Variants in TAGLN3 observed in about 807,000 individuals in gnomAD.
TAGLN3 encodes transgelin 3.
Under a neutral mutation model 25.4 loss-of-function variants are expected in TAGLN3, and 12 were observed. The observed-to-expected ratio is 0.47, with a 90% confidence interval of 0.30 to 0.77. The LOEUF (loss-of-function observed/expected upper bound fraction) is 0.77, where lower values mean the gene tolerates loss of function less well. Ranked by LOEUF, TAGLN3 falls within the 30% of genes least tolerant of loss-of-function variation. TAGLN3 has a pLI of 0.06. For missense variants in TAGLN3, 218 were observed against 255.8 expected (o/e 0.85, Z 1.01); for synonymous variants, 96 against 94.8 (o/e 1.01, Z -0.08).
intron 3 of TAGLN3, among the ~76,000 whole-genome samples, chr3:112,005,596 A>T (rs1039743720): frequency 2.0e-5 from 3 of 151,866 alleles, no homozygotes; most frequent in African/African-American, 7.3e-5. Context: ...GTGAAGAGGT[A>T]TTTCACACAG....
At chr3:112,000,452 T>A (rs1392952445) in intron 2 of TAGLN3, 1 of 223,916 alleles carries the variant, frequency 4.5e-6, no homozygotes, top group African/African-American at 2.3e-5. Flanking sequence ...CACGTCCTCA[T>A]CACGTCACAT....
intron 3 of TAGLN3, among the ~76,000 whole-genome samples, chr3:112,003,259 G>A (rs1299048968): frequency 1.3e-5 from 2 of 152,150 alleles, no homozygotes; most frequent in African/African-American, 4.8e-5. Context: ...ATAAGTTGGA[G>A]GGGATATCTG....
chr3:112,003,794 A>T (rs1322905735), intron 3 of TAGLN3, among the ~76,000 whole-genome samples: 1 of 151,914 alleles, frequency 6.6e-6, no homozygotes, highest in Non-Finnish European at 1.5e-5. Context: ...TCCCCTACTC[A>T]GTGTCTTCTC....
chr3:112,003,253 G>A (rs983129574), intron 3 of TAGLN3, among the ~76,000 whole-genome samples: 3 of 152,158 alleles, frequency 2.0e-5, no homozygotes, highest in Admixed American at 6.5e-5. Flanking sequence ...TTCATTATAA[G>A]TTGGAGGGGA....
intron 1 of TAGLN3, 85 bp downstream of exon 1, chr3:111,999,199 A>C: frequency 2.0e-6 from 1 of 500,696 alleles, no homozygotes; most frequent in Non-Finnish European, 3.6e-6. Context: ...CCGGAGGTTT[A>C]TTCTAGAGTT....
chr3:112,012,889 G>A (rs945302144), intron 4 of TAGLN3, among the ~76,000 whole-genome samples: 6 of 152,184 alleles, frequency 3.9e-5, no homozygotes, highest in Non-Finnish European at 5.9e-5. Context: ...TACAGGGAAA[G>A]GGGGAATGGG....
Position 112,013,701 on chromosome 3 carries a change from C to G in TAGLN3, c.*150C>G, listed in dbSNP as rs1190685165. The G allele has an allele frequency of 1.0e-5, 12 of 1,205,552 alleles. No individual in the cohort carries two copies. The highest frequency in any genetic ancestry group is 1.1e-5 in the Non-Finnish European group (9 of 835,084). The allele number at this position is 1,205,552 out of a possible 1,614,324, so 74.7% of individuals were successfully genotyped here. On this transcript the variant is annotated 3_prime_UTR_variant, in exon 5 of 5. Coordinates refer to ENST00000478951, the MANE Select transcript of TAGLN3 (RefSeq NM_001008272.2). Reference sequence around the variant, plus strand: ...CAAGTGCTGCATTTCCGCCGAGAATCCGCGTTGCCTACTGCTGCCACCTCC... The same window carrying G: ...CAAGTGCTGCATTTCCGCCGAGAATGCGCGTTGCCTACTGCTGCCACCTCC...
At chr3:112,011,480 GA>G (rs2072976677) in intron 3 of TAGLN3, among the ~76,000 whole-genome samples, 6 of 152,216 alleles carry the variant, frequency 3.9e-5, no homozygotes, top group African/African-American at 1.4e-4. Flanking sequence ...GATGCACATG[GA>G]TGATTTTATT....
At chr3:112,012,196 G>C (rs2072983243) in intron 4 of TAGLN3, among the ~76,000 whole-genome samples, 1 of 149,964 alleles carries the variant, frequency 6.7e-6, no homozygotes, top group African/African-American at 2.5e-5. Flanking sequence ...AGCCAGCTCT[G>C]AGCTTTCTTG....
At chr3:112,006,856 C>T (rs186454477) in intron 3 of TAGLN3, among the ~76,000 whole-genome samples, 2 of 152,180 alleles carry the variant, frequency 1.3e-5, no homozygotes, top group African/African-American at 2.4e-5. Context: ...ATTAAGAATT[C>T]CTGGGTTGGG....
chr3:112,009,798 G>A (rs990152277), intron 3 of TAGLN3, among the ~76,000 whole-genome samples: 4 of 152,024 alleles, frequency 2.6e-5, no homozygotes, highest in African/African-American at 7.2e-5. Context: ...AATAATGCCC[G>A]CTTCCCTAGT....
At chr3:111,999,323 C>T in intron 1 of TAGLN3, 98 bp from the exon 2 acceptor site, 1 of 1,383,404 alleles carries the variant, frequency 7.2e-7, no homozygotes, top group African/African-American at 1.4e-5. Context: ...GCTGCTGGGC[C>T]AGGTTGCCCA....
At chr3:112,003,337 C>T (rs1392380542) in intron 3 of TAGLN3, among the ~76,000 whole-genome samples, 3 of 152,068 alleles carry the variant, frequency 2.0e-5, no homozygotes, top group Non-Finnish European at 4.4e-5. Context: ...GCAGGAGGTA[C>T]AAAAGTGGGT....
intron 4 of TAGLN3, 62 bp from the exon 5 acceptor site, chr3:112,013,348 A>G (rs2072999857): frequency 5.1e-6 from 8 of 1,560,556 alleles, no homozygotes; most frequent in Non-Finnish European, 6.9e-6. Flanking sequence ...CTAATTGCAT[A>G]TCTTGAAAAG....
chr3:112,003,188 A>T (rs575448454), intron 3 of TAGLN3, among the ~76,000 whole-genome samples: 1 of 152,214 alleles, frequency 6.6e-6, no homozygotes, highest in Non-Finnish European at 1.5e-5. Context: ...AAATGGCCCC[A>T]AGAGGCCCCA....
intron 3 of TAGLN3, 37 bp from the exon 4 acceptor site, chr3:112,011,726 A>C: frequency 6.3e-7 from 1 of 1,588,774 alleles, no homozygotes; most frequent in Non-Finnish European, 8.6e-7. Flanking sequence ...CTTGGCTCTG[A>C]CACGTGCTTG....
Position 112,013,754 on chromosome 3 carries a change from C to T in TAGLN3, c.*203C>T, listed in dbSNP as rs1310970610. ...TTCATTTAGAACTATGCAAAGACTCCGCTTCCGTTTTCCTGAGCTCCTCGG... is the reference window on the plus strand; with the variant it reads ...TTCATTTAGAACTATGCAAAGACTCTGCTTCCGTTTTCCTGAGCTCCTCGG... On this transcript the variant is annotated 3_prime_UTR_variant, in exon 5 of 5. Coordinates refer to ENST00000478951, the MANE Select transcript of TAGLN3 (RefSeq NM_001008272.2). The T allele has an allele frequency of 1.4e-6, 1 of 714,914 alleles. No individual in the cohort carries two copies. 44.3% of individuals were successfully genotyped at this position (714,914 alleles called of 1,614,324 possible).
chr3:112,000,068 C>T (rs3792407), intron 2 of TAGLN3, among the ~76,000 whole-genome samples: 1 of 151,936 alleles, frequency 6.6e-6, no homozygotes, highest in Non-Finnish European at 1.5e-5. Flanking sequence ...TGAGTGGATG[C>T]GTTCTCATGA....
Position 112,000,912 on chromosome 3 carries a change from CACCGACATCTTTCAGACG to C in TAGLN3, c.322_339del (p.Thr108_Thr113del), listed in dbSNP as rs754509011. 6.2e-7 allele frequency: 1 copy of C among 1,614,130 alleles called. No homozygotes were observed. The highest frequency in any genetic ancestry group is 1.7e-5 in the Admixed American group (1 of 60,026). On this transcript the variant is annotated inframe_deletion, in exon 3 of 5. Coordinates refer to ENST00000478951, the MANE Select transcript of TAGLN3 (RefSeq NM_001008272.2). ...CTGCGGAGACCTATGGTGTCAGAACCACCGACATCTTTCAGACGGTGGATCTATGGGAAGGTAAACAGC... is the reference window on the plus strand; with the variant it reads ...CTGCGGAGACCTATGGTGTCAGAACCGTGGATCTATGGGAAGGTAAACAGC...
Sources: allele counts gnomAD v4.1 joint callset (sites outside exome capture counted in the v4.1 genomes callset), GRCh38; gene constraint gnomAD v4.1.1; transcripts MANE v1.5; gene names NCBI Gene and HGNC (gene_info 2026-07-23, HGNC 2026-07-21).